CATSPERB: variants seen among roughly 807,000 people sequenced by gnomAD.
The protein encoded by CATSPERB is catsper channel auxiliary subunit beta, also known as cation channel sperm-associated auxiliary subunit beta.
A neutral mutation model predicts 128.3 loss-of-function variants in CATSPERB; 93 were observed. The observed-to-expected ratio is 0.72, with a 90% CI of 0.61 to 0.86. The LOEUF (loss-of-function observed/expected upper bound fraction) is 0.86, where lower values mean the gene tolerates loss of function less well. CATSPERB is among the 40% of genes least tolerant of loss of function. The probability of loss-of-function intolerance (pLI) is 0.00; values close to 1 mark genes in which losing one functional copy is unlikely to be tolerated. For synonymous variants in CATSPERB, 381 were observed against 448.8 expected (o/e 0.85, Z 1.91); for missense variants, 1,153 against 1,329.5 (o/e 0.87, Z 2.06).
At chr14:91,615,885 C>CTTTTGT (rs1893926662) in intron 20 of CATSPERB, among the ~76,000 whole-genome samples, 3 of 142,140 alleles carry the variant, frequency 2.1e-5, no homozygotes. Context: ...TACAGTTTTC[C>CTTTTGT]TTTTTTTTTT....
At chr14:91,587,137 G>T in intron 26 of CATSPERB, 65 bp downstream of exon 26, 2 of 1,310,310 alleles carry the variant, frequency 1.5e-6, no homozygotes, top group South Asian at 1.3e-5. Context: ...GGTGTCTCTT[G>T]AATTGGTTTT....
Position 91,639,112 on chromosome 14 carries a change from C to G in CATSPERB, c.1571G>C (p.Arg524Thr). 1 of 1,613,886 alleles carries G rather than the reference C, an allele frequency of 6.2e-7. No homozygotes were observed. Among genetic ancestry groups the G allele is most frequent in the Non-Finnish European group, 8.5e-7 (1 of 1,179,960 alleles). ...SGPPTAFGNS[R>T]NLFGQPPDMG... is the part of the protein sequence containing the mutation. ...TATACTGACCTGTCCAAAAAGATTT[C>G]TAGAATTTCCAAAGGCTGTGGGTGG... The change falls in exon 16 of 27, where the codon AGA becomes ACA. Residue 524 changes from arginine (R) to threonine (T), a missense_variant. Coordinates refer to ENST00000256343, the MANE Select transcript of CATSPERB (RefSeq NM_024764.4).
chr14:91,730,162 G>A (rs148956957), intron 1 of CATSPERB, among the ~76,000 whole-genome samples: 2 of 152,202 alleles, frequency 1.3e-5, no homozygotes. Flanking sequence ...TTTGGAGATA[G>A]GATTTTTAAA....
At chr14:91,587,944 C>T in intron 25 of CATSPERB, 34 bp downstream of exon 25, 2 of 1,365,476 alleles carry the variant, frequency 1.5e-6, no homozygotes, top group South Asian at 1.2e-5. Context: ...TTTATCTAAA[C>T]TCAACACAGT....
At chr14:91,621,347 C>T (rs557175450) in intron 19 of CATSPERB, among the ~76,000 whole-genome samples, 1 of 152,278 alleles carries the variant, frequency 6.6e-6, no homozygotes, top group East Asian at 1.9e-4. Context: ...CTGCAGTGAT[C>T]CAAGACTGTG....
chr14:91,689,925 T>C (rs1271823432), intron 10 of CATSPERB, among the ~76,000 whole-genome samples: 2 of 152,222 alleles, frequency 1.3e-5, no homozygotes, highest in Non-Finnish European at 2.9e-5. Context: ...CTCCTTGTTA[T>C]ATTGTCTAGA....
chr14:91,591,311 T>C (rs896538754), intron 23 of CATSPERB, among the ~76,000 whole-genome samples: 1 of 152,104 alleles, frequency 6.6e-6, no homozygotes, highest in Non-Finnish European at 1.5e-5. Context: ...GGCGTTGGCC[T>C]CCCAAAGTGC....
chr14:91,670,539 AG>A (rs141832300), intron 13 of CATSPERB, among the ~76,000 whole-genome samples: 2,294 of 152,176 alleles, frequency 0.015, 56 homozygotes, highest in African/African-American at 0.053. Flanking sequence ...AAAATTAGCC[AG>A]GCATGGTGGC....
Position 91,591,894 on chromosome 14 carries a change from T to G in CATSPERB, c.2818A>C (p.Lys940Gln), listed in dbSNP as rs1376482685. 1 of 1,606,892 alleles carries G rather than the reference T, an allele frequency of 6.2e-7. No homozygotes were observed. The highest frequency in any genetic ancestry group is 1.1e-5 in the South Asian group (1 of 90,944). ...HAVAFSDCRE[K>Q]VPRFKFPITQ... ...CAGGTAATTAGAAATGATCTTACTT[T>G]TTCCCTGCAATCCGAGAAAGCAACA... The change falls in exon 23 of 27, where the codon AAA (lysine) becomes CAA (glutamine). Residue 940 changes from lysine (K) to glutamine (Q), a missense_variant and splice_region_variant. By Grantham distance (53) the Lys-to-Gln change is moderately conservative. Transcript: ENST00000256343.
At chr14:91,588,243 G>T (rs1044555220) in intron 24 of CATSPERB, among the ~76,000 whole-genome samples, 165 bp from the exon 25 acceptor site, 1 of 152,038 alleles carries the variant, frequency 6.6e-6, no homozygotes, top group Admixed American at 6.6e-5. Context: ...TACAATGAAA[G>T]ATTTCACTCC....
intron 17 of CATSPERB, among the ~76,000 whole-genome samples, chr14:91,625,218 T>C (rs1434058575): frequency 6.6e-6 from 1 of 152,220 alleles, no homozygotes; most frequent in Admixed American, 6.5e-5. Flanking sequence ...GATCTTTAAA[T>C]GACAGGGTTC....
chr14:91,709,274 T>C (rs1419360310), intron 5 of CATSPERB: 1 of 152,212 alleles, frequency 6.6e-6, no homozygotes, highest in Non-Finnish European at 1.5e-5. Context: ...ATTCCCGTGC[T>C]ACTGGCTAAC....
At chr14:91,675,031 G>T (rs567772362) in intron 11 of CATSPERB, among the ~76,000 whole-genome samples, 1 of 152,298 alleles carries the variant, frequency 6.6e-6, no homozygotes, top group African/African-American at 2.4e-5. Context: ...TCCTTTCACT[G>T]CATCTCATCC....
intron 17 of CATSPERB, among the ~76,000 whole-genome samples, chr14:91,631,924 C>T (rs1894285178): frequency 6.6e-6 from 1 of 151,160 alleles, no homozygotes; most frequent in Non-Finnish European, 1.5e-5. Flanking sequence ...TCTTGGATAA[C>T]ATGAAAAAGC....
At chr14:91,658,075 C>T (rs558663976) in intron 15 of CATSPERB, among the ~76,000 whole-genome samples, 11 of 152,246 alleles carry the variant, frequency 7.2e-5, no homozygotes, top group Non-Finnish European at 1.3e-4. Flanking sequence ...GAAGAGATAT[C>T]TACACTCCCA....
intron 18 of CATSPERB, among the ~76,000 whole-genome samples, chr14:91,622,645 G>T (rs1894072296): frequency 6.6e-6 from 1 of 152,114 alleles, no homozygotes; most frequent in African/African-American, 2.4e-5. Context: ...TCAGAAGAGG[G>T]CTTCATCATT....
At chr14:91,595,545 C>T (rs148324643) in intron 22 of CATSPERB, among the ~76,000 whole-genome samples, 195 of 152,240 alleles carry the variant, frequency 1.3e-3, no homozygotes, top group African/African-American at 4.6e-3. Flanking sequence ...AATTTCCTCT[C>T]CTCTTGAGGA....
At chr14:91,624,354 T>C (rs570584765) in intron 18 of CATSPERB, among the ~76,000 whole-genome samples, 3 of 152,288 alleles carry the variant, frequency 2.0e-5, no homozygotes, top group African/African-American at 7.2e-5. Context: ...CGTGGCAGCA[T>C]GCGCCTGCAA....
intron 10 of CATSPERB, among the ~76,000 whole-genome samples, chr14:91,684,606 T>C (rs957816219): frequency 1.2e-5 from 1 of 81,958 alleles, no homozygotes; most frequent in African/African-American, 3.9e-5. Flanking sequence ...GAGACACTTC[T>C]TTTTTTTTTT....
Sources: allele counts gnomAD v4.1 joint callset (sites outside exome capture counted in the v4.1 genomes callset), GRCh38; gene constraint gnomAD v4.1.1; transcripts MANE v1.5; gene names NCBI Gene and HGNC (gene_info 2026-07-23, HGNC 2026-07-21).